Variants in PPHLN1 observed in about 807,000 individuals in gnomAD.
PPHLN1 encodes the protein periphilin-1.
PPHLN1 carries 29 observed loss-of-function variants against 51.3 expected under a neutral mutation model. The ratio of observed to expected loss-of-function variants is 0.57; its 90% CI spans 0.42 to 0.77. PPHLN1 has a LOEUF of 0.77. PPHLN1 is among the 30% of genes least tolerant of loss of function. The pLI, the probability that PPHLN1 is intolerant of heterozygous loss-of-function variation, is 0.00. For synonymous variants in PPHLN1, 147 were observed against 147.8 expected, an observed-to-expected ratio of 0.99 and a Z score of 0.04; for missense variants, 436 against 438.4, an observed-to-expected ratio of 0.99 and a Z score of 0.05.
At chr12:42,413,396 G>A (rs1428207140) in intron 9 of PPHLN1, among the ~76,000 whole-genome samples, 2 of 152,004 alleles carry the variant, frequency 1.3e-5, no homozygotes, top group Non-Finnish European at 2.9e-5. Context: ...TTATGTTTTT[G>A]TATGCTTTGT....
At chr12:42,387,270 A>G (rs1404890728) in intron 6 of PPHLN1, 186 bp from the exon 7 acceptor site, 1 of 523,326 alleles carries the variant, frequency 1.9e-6, no homozygotes, top group Non-Finnish European at 3.1e-6. Context: ...AGGTTATTTC[A>G]GATTGTTGAT....
At chr12:42,329,564 A>G (rs2069378281) in intron 1 of PPHLN1, among the ~76,000 whole-genome samples, 1 of 152,178 alleles carries the variant, frequency 6.6e-6, no homozygotes, top group South Asian at 2.1e-4. Flanking sequence ...AAGATACTAT[A>G]TAGTGTACTT....
At position 42,430,590 on chromosome 12, in the gene PPHLN1, C is replaced by T. The variant is rs146827335; in HGVS notation, c.910-10725C>T. Among the ~76,000 whole-genome samples the T allele has an allele frequency of 8.4e-3, 1,270 of 152,012 alleles. 9 individuals carry two copies. Among genetic ancestry groups the T allele is most frequent in the Non-Finnish European group, 0.013 (887 of 67,982 alleles). On this transcript the variant is annotated intron_variant, in intron 9 of 9. Coordinates refer to ENST00000358314, the MANE Select transcript of PPHLN1 (RefSeq NM_201439.2). Reference sequence around the variant, plus strand: ...TGGCTCACTGCAACCTCCGCCTTCCCGGTTCAAGCAATTCTGCCCCAGCCT... The same window carrying T: ...TGGCTCACTGCAACCTCCGCCTTCCTGGTTCAAGCAATTCTGCCCCAGCCT...
At chr12:42,354,951 T>C (rs147896408) in intron 3 of PPHLN1, among the ~76,000 whole-genome samples, 2 of 151,834 alleles carry the variant, frequency 1.3e-5, no homozygotes, top group African/African-American at 4.9e-5. Context: ...AGAAATAATT[T>C]AAGCATTTTA....
At chr12:42,350,904 G>T (rs368774200) in intron 2 of PPHLN1, among the ~76,000 whole-genome samples, 4 of 152,118 alleles carry the variant, frequency 2.6e-5, no homozygotes, top group Non-Finnish European at 2.9e-5. Context: ...GCAGTGAGCC[G>T]AGATCGCGGC....
intron 2 of PPHLN1, chr12:42,343,925 A>C: frequency 2.3e-6 from 1 of 443,676 alleles, no homozygotes; most frequent in South Asian, 1.6e-5. Context: ...TAAATCAACA[A>C]GTGCTAAAAT....
intron 9 of PPHLN1, among the ~76,000 whole-genome samples, chr12:42,436,531 T>C (rs1248316786): frequency 6.6e-6 from 1 of 152,218 alleles, no homozygotes; most frequent in Non-Finnish European, 1.5e-5. Context: ...TTATCTCCAC[T>C]CCTATATAAA....
chr12:42,340,331 AT>A, intron 2 of PPHLN1, among the ~76,000 whole-genome samples: 1 of 106,420 alleles, frequency 9.4e-6, no homozygotes, highest in Non-Finnish European at 2.0e-5. Context: ...AAAAAAAAAG[AT>A]TTAAAAATAT....
At chr12:42,355,955 A>T (rs2074006774) in intron 4 of PPHLN1, among the ~76,000 whole-genome samples, 1 of 152,042 alleles carries the variant, frequency 6.6e-6, no homozygotes, top group Non-Finnish European at 1.5e-5. Flanking sequence ...TAATTAGTGA[A>T]GTCCTTTTGG....
At chr12:42,411,903 C>CAAA (rs1212289027) in intron 9 of PPHLN1, among the ~76,000 whole-genome samples, 8,265 of 33,818 alleles carry the variant, frequency 0.24, 1,690 homozygotes, top group Non-Finnish European at 0.29. Context: ...GACTCAGTCT[C>CAAA]AAAAAAAAAA....
intron 5 of PPHLN1, among the ~76,000 whole-genome samples, chr12:42,382,795 G>A (rs2138960746): frequency 6.6e-6 from 1 of 152,196 alleles, no homozygotes; most frequent in East Asian, 1.9e-4. Flanking sequence ...AAAACAAATA[G>A]CAAAATATTA....
At chr12:42,370,689 A>G (rs1214542417) in intron 4 of PPHLN1, among the ~76,000 whole-genome samples, 4 of 151,986 alleles carry the variant, frequency 2.6e-5, no homozygotes, top group South Asian at 4.1e-4. Context: ...ATTCCTTCCC[A>G]TCTTCCCTCC....
At chr12:42,384,642 G>A (rs956970413) in intron 5 of PPHLN1, among the ~76,000 whole-genome samples, 1 of 152,180 alleles carries the variant, frequency 6.6e-6, no homozygotes, top group African/African-American at 2.4e-5. Flanking sequence ...TCAATGTCTT[G>A]TCTTTCTATG....
chr12:42,439,401 A>T (rs1000573777), intron 9 of PPHLN1, among the ~76,000 whole-genome samples: 1 of 152,228 alleles, frequency 6.6e-6, no homozygotes, highest in African/African-American at 2.4e-5. Flanking sequence ...CTGTATTTGT[A>T]TGGGTCTGTA....
At chr12:42,344,791 C>G (rs566083087) in intron 2 of PPHLN1, among the ~76,000 whole-genome samples, 73 of 151,124 alleles carry the variant, frequency 4.8e-4, no homozygotes, top group African/African-American at 1.7e-3. Context: ...TCACTGCAAC[C>G]TCTGCCTCCC....
At chr12:42,332,556 C>T (rs1266980692) in intron 1 of PPHLN1, 8 of 739,916 alleles carry the variant, frequency 1.1e-5, no homozygotes, top group Non-Finnish European at 1.3e-5. Flanking sequence ...GCGAGTTTGG[C>T]CTGAGAGTTC....
intron 9 of PPHLN1, among the ~76,000 whole-genome samples, chr12:42,434,253 G>C (rs1039298976): frequency 6.6e-6 from 1 of 152,158 alleles, no homozygotes; most frequent in Admixed American, 6.5e-5. Flanking sequence ...GGACACAAGC[G>C]GGGGAACAAC....
At chr12:42,396,648 A>AAAAG (rs2078238824) in intron 8 of PPHLN1, among the ~76,000 whole-genome samples, 2 of 119,874 alleles carry the variant, frequency 1.7e-5, no homozygotes, top group Non-Finnish European at 3.4e-5. Flanking sequence ...AAAAAAAAAA[A>AAAAG]GCTGGGTGTG....
chr12:42,429,866 A>G (rs1298442525), intron 9 of PPHLN1, among the ~76,000 whole-genome samples: 1 of 152,114 alleles, frequency 6.6e-6, no homozygotes, highest in Non-Finnish European at 1.5e-5. Flanking sequence ...ATTTTTGTAT[A>G]CCCATCACCT....
Sources: gnomAD v4.1 joint callset for allele counts (sites outside exome capture counted in the v4.1 genomes callset) on GRCh38, gnomAD v4.1.1 for gene constraint, MANE v1.5 for transcripts, NCBI Gene and HGNC (gene_info 2026-07-23, HGNC 2026-07-21) for gene names.